The following OSCP1 variants were observed in gnomAD, a reference collection of about 807,000 sequenced individuals.
OSCP1 encodes the protein organic solute carrier partner 1, also known as protein OSCP1.
Under a neutral mutation model 45.1 loss-of-function variants are expected in OSCP1, and 35 were observed. The ratio of observed to expected loss-of-function variants is 0.78; its 90% CI spans 0.59 to 1.03. The LOEUF is 1.03. Ranked by LOEUF, OSCP1 falls within the 50% of genes least tolerant of loss-of-function variation. The pLI is 0.00. For missense variants in OSCP1, 400 were observed against 470.7 expected, an observed-to-expected ratio of 0.85 and a Z score of 1.39; for synonymous variants, 179 against 180.1, an observed-to-expected ratio of 0.99 and a Z score of 0.05.
intron 1 of OSCP1, 74 bp downstream of exon 1, chr1:36,450,184 T>G: frequency 8.3e-7 from 1 of 1,210,124 alleles, no homozygotes; most frequent in Non-Finnish European, 1.2e-6. Context: ...GGTCTGGCTG[T>G]GGGTGTTAGG....
At chr1:36,424,830 C>T (rs1444359236) in intron 4 of OSCP1, among the ~76,000 whole-genome samples, 3 of 152,146 alleles carry the variant, frequency 2.0e-5, no homozygotes, top group Non-Finnish European at 1.5e-5. Context: ...GCTTGAAGAT[C>T]TTTTCAACTC....
At chr1:36,434,264 C>A (rs1251297595) in intron 2 of OSCP1, among the ~76,000 whole-genome samples, 1 of 152,164 alleles carries the variant, frequency 6.6e-6, no homozygotes, top group Non-Finnish European at 1.5e-5. Flanking sequence ...TTATTCTTCA[C>A]AAGAACTCTA....
At chr1:36,420,646 C>T in intron 7 of OSCP1, 31 bp from the exon 8 acceptor site, 1 of 1,609,076 alleles carries the variant, frequency 6.2e-7, no homozygotes, top group Non-Finnish European at 8.5e-7. Context: ...TTTTTAGCCA[C>T]ATGAAGGCAA....
At chr1:36,425,350 C>G (rs373785697) in intron 4 of OSCP1, among the ~76,000 whole-genome samples, 1 of 152,130 alleles carries the variant, frequency 6.6e-6, no homozygotes, top group Admixed American at 6.6e-5. Flanking sequence ...TTCTGTGCAT[C>G]AGTTTTCCCT....
chr1:36,419,204 C>T, intron 8 of OSCP1, 150 bp from the exon 9 acceptor site: 1 of 685,494 alleles, frequency 1.5e-6, no homozygotes, highest in South Asian at 1.7e-5. Context: ...ACCAATGTAC[C>T]CTACGACCTA....
intron 7 of OSCP1, among the ~76,000 whole-genome samples, chr1:36,421,009 C>T (rs1010813778): frequency 3.3e-5 from 5 of 152,062 alleles, no homozygotes; most frequent in Admixed American, 2.0e-4. Context: ...GTGGTGACGG[C>T]CGGGAACACA....
chr1:36,444,407 A>G (rs776750403), intron 1 of OSCP1, among the ~76,000 whole-genome samples: 2 of 152,236 alleles, frequency 1.3e-5, no homozygotes, highest in Non-Finnish European at 2.9e-5. Context: ...ATGAGGAAGA[A>G]TAATTCCAAG....
At chr1:36,442,809 T>C (rs1255240146) in intron 1 of OSCP1, among the ~76,000 whole-genome samples, 2 of 152,186 alleles carry the variant, frequency 1.3e-5, no homozygotes, top group African/African-American at 4.8e-5. Context: ...CATTTTTTTT[T>C]CCTGCCAGAC....
rs749734102 is a variant in OSCP1, at chr1:36,431,803, C to A, written c.515G>T (p.Arg172Leu). ...LLIFFQDLHI[R>L]VSMFLKDKVQ... ...TCCCAGGGCTGCCTATTGACTTACT[C>A]GGATGTGCAGGTCTTGGAAGAAGAT... Residue 172 changes from arginine to leucine, a missense_variant and splice_region_variant, in exon 4 of 10, where the codon CGA becomes CTA. Coordinates refer to ENST00000235532, the MANE Select transcript of OSCP1 (RefSeq NM_145047.5). 2.5e-6 allele frequency: 4 copies of A among 1,613,232 alleles called. No individual in the cohort carries two copies. Among genetic ancestry groups the A allele is most frequent in the Non-Finnish European group, 1.7e-6 (2 of 1,179,882 alleles).
chr1:36,421,340 A>G (rs1647606550), intron 7 of OSCP1, among the ~76,000 whole-genome samples: 1 of 150,688 alleles, frequency 6.6e-6, no homozygotes, highest in South Asian at 2.1e-4. Flanking sequence ...TCCCGGGAAC[A>G]CTCTTGCCCC....
chr1:36,422,911 A>G lies in OSCP1; in HGVS notation c.621-15T>C. 1 of 1,572,208 alleles carries G rather than the reference A, an allele frequency of 6.4e-7. No individual in the cohort carries two copies. The highest frequency in any genetic ancestry group is 8.6e-7 in the Non-Finnish European group (1 of 1,158,336). ...TGTTGAACATTCTACAATACAAAGT[A>G]TGACATGATGGAATGTTCTCCAAGC... On this transcript the variant is annotated splice_polypyrimidine_tract_variant and intron_variant, in intron 5 of 9. Transcript: ENST00000235532.
chr1:36,422,801 T>C lies in OSCP1; in HGVS notation c.716A>G (p.Tyr239Cys). The C allele has an allele frequency of 6.2e-7, 1 of 1,602,782 alleles. No individual in the cohort carries two copies. Among genetic ancestry groups the C allele is most frequent in the Non-Finnish European group, 8.5e-7 (1 of 1,173,474 alleles). The part of the protein sequence containing the change: ...PAPKEGSFEL[Y>C]GDRVLKLGTN... ...TCCCAGTTTCAGGACTCGGTCTCCA[T>C]AAAGTTCAAAAGAACCTTCTTTGGG... is the stretch of plus-strand genomic sequence containing the variant. Residue 239 changes from tyrosine (Y) to cysteine (C), a missense_variant, in exon 6 of 10, where the codon TAT becomes TGT. By Grantham distance (194) the Tyr-to-Cys change is radical (BLOSUM62 -2). Transcript: ENST00000235532.
At chr1:36,428,114 A>G in intron 4 of OSCP1, 1 of 294,776 alleles carries the variant, frequency 3.4e-6, no homozygotes, top group Non-Finnish European at 4.8e-6. Context: ...TGCTTGAACC[A>G]GGGAGGTGGA....
At position 36,447,748 on chromosome 1, in the gene OSCP1, A is replaced by G; in HGVS notation, c.112+2510T>C. ...GTACAAAGTAAGTGCTTGATTTTTC[A>G]TTGTTTTATTGTTGATTGCTGTCAC... On this transcript the variant is annotated intron_variant, in intron 1 of 9. Coordinates refer to ENST00000235532, the MANE Select transcript of OSCP1 (RefSeq NM_145047.5). The surrounding 1 kb of genome is among the most constrained non-coding windows in gnomAD (Gnocchi z 4.1). 7.5e-6 allele frequency: 2 copies of G among 267,088 alleles called. No individual in the cohort carries two copies. Among genetic ancestry groups the G allele is most frequent in the South Asian group, 6.4e-5 (2 of 31,282 alleles). 16.5% of individuals were successfully genotyped at this position (267,088 alleles called of 1,614,324 possible).
intron 4 of OSCP1, among the ~76,000 whole-genome samples, chr1:36,430,486 G>A (rs1223355592): frequency 3.3e-5 from 5 of 152,066 alleles, no homozygotes; most frequent in Non-Finnish European, 5.9e-5. Context: ...AGAGGAAGGC[G>A]TGCCAGGGCA....
chr1:36,442,094 G>C (rs140412267), intron 1 of OSCP1, among the ~76,000 whole-genome samples: 15,549 of 152,020 alleles, frequency 0.1, 942 homozygotes, highest in East Asian at 0.29. Flanking sequence ...AGGCGTGGTG[G>C]CTCATGCCTG....
chr1:36,428,014 C>A (rs1390366318), intron 4 of OSCP1, among the ~76,000 whole-genome samples: 1 of 151,524 alleles, frequency 6.6e-6, no homozygotes, highest in African/African-American at 2.4e-5. Flanking sequence ...GTGGTTAAAC[C>A]CCGTCTCTAC....
intron 3 of OSCP1, 149 bp downstream of exon 3, chr1:36,432,273 G>C: frequency 1.1e-6 from 1 of 941,078 alleles, no homozygotes; most frequent in Non-Finnish European, 1.6e-6. Flanking sequence ...TACCAAAATG[G>C]ACACGGATTG....
intron 2 of OSCP1, among the ~76,000 whole-genome samples, chr1:36,433,087 G>A (rs1648481927): frequency 6.6e-6 from 1 of 152,214 alleles, no homozygotes; most frequent in Non-Finnish European, 1.5e-5. Flanking sequence ...GTGTGCAAGT[G>A]GCAAGCATAG....
Sources: allele counts gnomAD v4.1 joint callset (sites outside exome capture counted in the v4.1 genomes callset), GRCh38; gene constraint gnomAD v4.1.1; non-coding constraint Gnocchi (gnomAD v3.1); transcripts MANE v1.5; gene names NCBI Gene and HGNC (gene_info 2026-07-23, HGNC 2026-07-21).